The following DBH variants were observed in gnomAD, a reference collection of about 807,000 sequenced individuals.
The protein encoded by DBH is dopamine beta-hydroxylase, also known as dopamine beta-hydroxylase (dopamine beta-monooxygenase).
A neutral mutation model predicts 64.0 loss-of-function variants in DBH; 49 were observed. The observed-to-expected ratio is 0.77, with a 90% CI of 0.61 to 0.97. The LOEUF is 0.97. DBH is among the 50% of genes least tolerant of loss of function. The probability of loss-of-function intolerance (pLI) is 0.00; values close to 1 mark genes in which losing one functional copy is unlikely to be tolerated. For synonymous variants in DBH, 343 were observed against 347.1 expected (o/e 0.99, Z 0.13); for missense variants, 828 against 826.6 (o/e 1.00, Z -0.02).
Position 133,658,562 on chromosome 9 carries a change from G to A in DBH, c.*115G>A. 2 of 1,235,922 alleles carry A rather than the reference G, an allele frequency of 1.6e-6. No homozygotes were observed. Among genetic ancestry groups the A allele is most frequent in the East Asian group, 2.7e-5 (1 of 36,890 alleles). 76.6% of individuals were successfully genotyped at this position (1,235,922 alleles called of 1,614,324 possible). Reference sequence around the variant, plus strand: ...CAGCCCTGCACGCCCAGGATGAAGGGGCCAGACCACGCCCCTGCCTGAGAC... The same window carrying A: ...CAGCCCTGCACGCCCAGGATGAAGGAGCCAGACCACGCCCCTGCCTGAGAC... On this transcript the variant is annotated 3_prime_UTR_variant, in exon 12 of 12. Coordinates refer to ENST00000393056, the MANE Select transcript of DBH (RefSeq NM_000787.4).
chr9:133,649,492 G>C (rs1039177454), intron 6 of DBH, among the ~76,000 whole-genome samples: 1 of 152,206 alleles, frequency 6.6e-6, no homozygotes, highest in African/African-American at 2.4e-5. Flanking sequence ...ATGAGGTTTA[G>C]AGTGGATTTT....
intron 11 of DBH, 39 bp downstream of exon 11, chr9:133,657,268 C>T (rs74643874): frequency 2.5e-6 from 4 of 1,611,576 alleles, no homozygotes; most frequent in Admixed American, 1.7e-5. Flanking sequence ...TGCAGTCAGG[C>T]AGGCCTCATG....
intron 9 of DBH, chr9:133,656,245 C>G: frequency 2.3e-6 from 1 of 427,104 alleles, no homozygotes; most frequent in South Asian, 2.1e-5. Flanking sequence ...ATAAAATGGG[C>G]ACAATAACAC....
chr9:133,646,372 G>A (rs969760170), intron 5 of DBH, among the ~76,000 whole-genome samples: 3 of 151,950 alleles, frequency 2.0e-5, no homozygotes, highest in Admixed American at 2.0e-4. Flanking sequence ...CGGGGGCATG[G>A]GGCCAGGCCT....
chr9:133,648,150 T>C, intron 6 of DBH, 138 bp downstream of exon 6: 2 of 1,033,976 alleles, frequency 1.9e-6, no homozygotes, highest in Non-Finnish European at 2.9e-6. Context: ...CGGTCCTCCC[T>C]CTTTTCTGTA....
intron 5 of DBH, 123 bp from the exon 6 acceptor site, chr9:133,647,722 TG>T (rs1027298037): frequency 3.4e-6 from 4 of 1,181,884 alleles, no homozygotes; most frequent in Non-Finnish European, 4.9e-6. Flanking sequence ...TGGGAGCAGA[TG>T]GGGGGTGACC....
intron 6 of DBH, among the ~76,000 whole-genome samples, chr9:133,648,770 C>T (rs1231616861): frequency 6.6e-6 from 1 of 152,360 alleles, no homozygotes. Flanking sequence ...CTAAAATCTC[C>T]TCCTTTGCTT....
chr9:133,659,157 C>G lies in DBH; in HGVS notation c.*710C>G, dbSNP rs553609242. 1 of 152,232 alleles carries G rather than the reference C, an allele frequency of 6.6e-6. No homozygotes were observed. Among genetic ancestry groups the G allele is most frequent in the Non-Finnish European group, 1.5e-5 (1 of 68,058 alleles). The allele number at this position is 152,232 out of a possible 1,614,324, so 9.4% of individuals were successfully genotyped here. A position where few individuals can be genotyped will look rare whatever the true frequency, so the allele number is the denominator to read the frequency against. ...CTTGCTTCTCTGCCGGTGGGGCCAG[C>G]GCTGAACAGACCGGGGTGGAGTCAG... is the stretch of plus-strand genomic sequence containing the variant. On this transcript the variant is annotated 3_prime_UTR_variant, in exon 12 of 12. Coordinates refer to ENST00000393056, the MANE Select transcript of DBH (RefSeq NM_000787.4).
intron 1 of DBH, among the ~76,000 whole-genome samples, chr9:133,636,940 C>T (rs1832060666): frequency 6.6e-6 from 1 of 152,152 alleles, no homozygotes; most frequent in African/African-American, 2.4e-5. Context: ...GACTGCCCGC[C>T]CCAAATCATG....
At chr9:133,645,234 G>A (rs1467354960) in intron 5 of DBH, among the ~76,000 whole-genome samples, 3 of 123,262 alleles carry the variant, frequency 2.4e-5, no homozygotes, top group Admixed American at 7.7e-5. Flanking sequence ...GCTAACAGTC[G>A]CCTGTGGTTT....
rs13306307 is a variant in DBH at position 133,636,847 on chromosome 9, G to C, written c.339+137G>C. The C allele has an allele frequency of 9.7e-5, 82 of 842,994 alleles. No homozygotes were observed. In the East Asian group the frequency reaches 2.1e-3, roughly 22 times the overall value. The allele number at this position is 842,994 out of a possible 1,614,324, so 52.2% of individuals were successfully genotyped here. On this transcript the variant is annotated intron_variant, in intron 1 of 11. Coordinates refer to ENST00000393056, the MANE Select transcript of DBH (RefSeq NM_000787.4). ...AGTGTTTGAGTTGACTCTGCTCTGA[G>C]CCAAGTCTGCACCCCGAGCTTGGGC...
chr9:133,657,433 GGAGAGAGA>G, intron 11 of DBH: 2 of 467,544 alleles, frequency 4.3e-6, no homozygotes, highest in South Asian at 2.3e-5. Flanking sequence ...AGGAGAGAGA[GGAGAGAGA>G]GGAGAGAGAG....
chr9:133,655,935 C>G (rs566990109), intron 9 of DBH: 1 of 158,326 alleles, frequency 6.3e-6, no homozygotes, highest in African/African-American at 2.4e-5. Flanking sequence ...CCCTCCCATG[C>G]GATGGCAGGC....
rs1832251668 is a variant in DBH at position 133,651,757 on chromosome 9, C to T, written c.1315C>T (p.His439Tyr). The change falls in exon 7 of 12, where the codon CAC becomes TAC. Residue 439 changes from histidine (H) to tyrosine (Y), a missense_variant. His to Tyr is a moderately conservative substitution (Grantham distance 83, BLOSUM62 2). Coordinates refer to ENST00000393056, the MANE Select transcript of DBH (RefSeq NM_000787.4). ...REWEIVNQDN[H>Y]YSPHFQEIRM... ...GTGGGAGATCGTGAACCAGGACAAT[C>T]ACTACAGCCCTCACTTCCAGGTAGG... 2 of 1,610,288 alleles carry T rather than the reference C, an allele frequency of 1.2e-6. No homozygotes were observed. Among genetic ancestry groups the T allele is most frequent in the Middle Eastern group, 1.7e-4 (1 of 5,908 alleles).
At chr9:133,657,435 AGAGAGAGGAGAGAGAGGAGAGAGG>A (rs1832342745) in intron 11 of DBH, 2 of 383,402 alleles carry the variant, frequency 5.2e-6, no homozygotes, top group South Asian at 2.5e-5. Flanking sequence ...GAGAGAGAGG[AGAGAGAGGAGAGAGAGGAGAGAGG>A]GAGAGGGAGA....
At chr9:133,657,281 G>A (rs1379794347) in intron 11 of DBH, 52 bp downstream of exon 11, 1 of 1,609,046 alleles carries the variant, frequency 6.2e-7, no homozygotes, top group Non-Finnish European at 8.5e-7. Context: ...GCCTCATGGG[G>A]GGCCCCAGTG....
At chr9:133,646,989 T>C (rs1303728855) in intron 5 of DBH, among the ~76,000 whole-genome samples, 1 of 152,206 alleles carries the variant, frequency 6.6e-6, no homozygotes, top group Non-Finnish European at 1.5e-5. Context: ...GTTATTCCTT[T>C]GGAAGAGGCC....
chr9:133,658,729 C>G lies in DBH; in HGVS notation c.*282C>G. 1 of 290,682 alleles carries G rather than the reference C, an allele frequency of 3.4e-6. No homozygotes were observed. Among genetic ancestry groups the G allele is most frequent in the Non-Finnish European group, 6.3e-6 (1 of 157,656 alleles). 18.0% of individuals were successfully genotyped at this position (290,682 alleles called of 1,614,324 possible). On this transcript the variant is annotated 3_prime_UTR_variant, in exon 12 of 12. Coordinates refer to ENST00000393056, the MANE Select transcript of DBH (RefSeq NM_000787.4). Reference sequence around the variant, plus strand: ...TGACTCAGTGCAGGGACAGCCTGCACAGTGGTCCAGGGTCCAGCCCTCCGC... The same window carrying G: ...TGACTCAGTGCAGGGACAGCCTGCAGAGTGGTCCAGGGTCCAGCCCTCCGC...
At chr9:133,652,408 G>T in intron 8 of DBH, 124 bp downstream of exon 8, 1 of 1,212,780 alleles carries the variant, frequency 8.2e-7, no homozygotes, top group Middle Eastern at 2.1e-4. Context: ...GCCATCCAGG[G>T]CAGGGGGAGG....
Sources: gnomAD v4.1 joint callset for allele counts (sites outside exome capture counted in the v4.1 genomes callset) on GRCh38, gnomAD v4.1.1 for gene constraint, MANE v1.5 for transcripts, NCBI Gene and HGNC (gene_info 2026-07-23, HGNC 2026-07-21) for gene names.